The following SRGAP3 variants were observed in gnomAD, a reference collection of about 807,000 sequenced individuals.
SRGAP3 encodes SLIT-ROBO Rho GTPase activating protein 3, also known as SLIT-ROBO Rho GTPase-activating protein 3.
In SRGAP3, 39 loss-of-function variants were observed where a neutral mutation model predicts 121.1. That is an observed-to-expected ratio of 0.32 (90% confidence interval 0.25 to 0.42). The LOEUF (loss-of-function observed/expected upper bound fraction) is 0.42. Among genes scored for constraint, SRGAP3 ranks in the 10% least tolerant of loss-of-function variants. The pLI is 1.00. For missense variants in SRGAP3, 1,213 were observed against 1,470.6 expected (o/e 0.82, Z 2.86); for synonymous variants, 601 against 570.0 (o/e 1.05, Z -0.77).
intron 1 of SRGAP3, among the ~76,000 whole-genome samples, chr3:9,168,261 C>T (rs567981215): frequency 2.6e-5 from 4 of 152,234 alleles, no homozygotes; most frequent in African/African-American, 7.2e-5. Flanking sequence ...TGGATCTGGA[C>T]AAACTCAGAC....
At chr3:9,149,975 G>C (rs984322802) in intron 1 of SRGAP3, among the ~76,000 whole-genome samples, 1 of 152,128 alleles carries the variant, frequency 6.6e-6, no homozygotes, top group Non-Finnish European at 1.5e-5. Context: ...ATACCGTGCA[G>C]GTGCTGGGGA....
chr3:9,333,010 A>T (rs1955635826), intron 1 of SRGAP3, among the ~76,000 whole-genome samples: 1 of 152,214 alleles, frequency 6.6e-6, no homozygotes. Context: ...AACATTCGCA[A>T]CCACAATGGC....
chr3:9,073,317 G>C (rs1946807252), intron 4 of SRGAP3, among the ~76,000 whole-genome samples: 1 of 152,036 alleles, frequency 6.6e-6, no homozygotes, highest in Non-Finnish European at 1.5e-5. Context: ...CTAATTTTTT[G>C]TATTTTTTGT....
At chr3:9,027,105 T>C in intron 12 of SRGAP3, 110 bp from the exon 13 acceptor site, 1 of 1,006,744 alleles carries the variant, frequency 9.9e-7, no homozygotes. Context: ...ACCATCAGAT[T>C]AGTAGGAAAA....
upstream of SRGAP3, among the ~76,000 whole-genome samples, chr3:9,252,117 G>A (rs530520035): frequency 6.6e-6 from 1 of 152,208 alleles, no homozygotes; most frequent in African/African-American, 2.4e-5. Flanking sequence ...ACGGTAATGG[G>A]TTCACAAGAG....
At chr3:9,072,778 G>A (rs541807605) in intron 4 of SRGAP3, among the ~76,000 whole-genome samples, 217 of 152,380 alleles carry the variant, frequency 1.4e-3, no homozygotes, top group Non-Finnish European at 2.5e-3. Context: ...GGTGTCATGG[G>A]AAGGAAACAC....
intron 1 of SRGAP3, among the ~76,000 whole-genome samples, chr3:9,127,196 G>A (rs1278017258): frequency 6.6e-6 from 1 of 152,100 alleles, no homozygotes; most frequent in African/African-American, 2.4e-5. Flanking sequence ...AATTAGCCAG[G>A]TGTGGTGGCA....
chr3:9,116,215 CG>C (rs1351680874), intron 2 of SRGAP3, among the ~76,000 whole-genome samples: 1 of 152,170 alleles, frequency 6.6e-6, no homozygotes, highest in Non-Finnish European at 1.5e-5. Flanking sequence ...GCTACTGGAA[CG>C]TCCTTAAGGT....
chr3:9,204,250 C>T (rs1053005637), intron 1 of SRGAP3, among the ~76,000 whole-genome samples: 1 of 152,232 alleles, frequency 6.6e-6, no homozygotes, highest in Non-Finnish European at 1.5e-5. Context: ...AGGCAGAGGG[C>T]CTGCCAGAAA....
chr3:9,065,604 T>C (rs553393824), intron 4 of SRGAP3: 25 of 152,326 alleles, frequency 1.6e-4, no homozygotes, highest in African/African-American at 5.3e-4. Flanking sequence ...ATAAACTCCT[T>C]TGGATCAGCC....
chr3:9,079,691 T>C (rs973472655), intron 4 of SRGAP3, among the ~76,000 whole-genome samples: 1 of 152,124 alleles, frequency 6.6e-6, no homozygotes, highest in African/African-American at 2.4e-5. Flanking sequence ...AAAACTCACA[T>C]CCCTGCCTTC....
At chr3:9,279,901 G>A (rs1412664816) in intron 3 of SRGAP3, among the ~76,000 whole-genome samples, 2 of 152,168 alleles carry the variant, frequency 1.3e-5, no homozygotes, top group African/African-American at 4.8e-5. Context: ...CAGGGCAAAG[G>A]TCAAGGTCAG....
chr3:9,023,161 C>T (rs1944010758), intron 14 of SRGAP3, among the ~76,000 whole-genome samples: 1 of 152,078 alleles, frequency 6.6e-6, no homozygotes. Flanking sequence ...GTGAGTTTGC[C>T]CACGAGATTC....
intron 18 of SRGAP3, among the ~76,000 whole-genome samples, chr3:9,004,051 T>C (rs896028503): frequency 9.2e-5 from 14 of 152,324 alleles, no homozygotes; most frequent in African/African-American, 3.4e-4. Context: ...GGTTGCAGGA[T>C]ACAAGAGCAG....
At chr3:9,281,824 C>T (rs1048841222) in intron 3 of SRGAP3, among the ~76,000 whole-genome samples, 1 of 152,032 alleles carries the variant, frequency 6.6e-6, no homozygotes, top group Non-Finnish European at 1.5e-5. Flanking sequence ...AGGCATGCAC[C>T]ACCACGCCTG....
intron 1 of SRGAP3, among the ~76,000 whole-genome samples, chr3:9,198,969 T>A (rs1384885116): frequency 6.6e-6 from 1 of 152,098 alleles, no homozygotes; most frequent in African/African-American, 2.4e-5. Flanking sequence ...AATGGGACAT[T>A]TTCCAGCACT....
At chr3:9,331,891 T>C (rs531468918) in intron 1 of SRGAP3, among the ~76,000 whole-genome samples, 1 of 152,196 alleles carries the variant, frequency 6.6e-6, no homozygotes, top group East Asian at 1.9e-4. Flanking sequence ...CAGACAAAAT[T>C]AGCAGAAAAA....
Position 9,015,451 on chromosome 3 carries a change from T to C in SRGAP3, c.1813+146A>G, listed in dbSNP as rs1943590789. 5 of 1,067,546 alleles carry C rather than the reference T, an allele frequency of 4.7e-6. No homozygotes were observed. The African/African-American group carries it at 6.3e-5, about 13-fold the overall frequency. 66.1% of individuals were successfully genotyped at this position (1,067,546 alleles called of 1,614,324 possible). A position where few individuals can be genotyped will look rare whatever the true frequency, so the allele number is the denominator to read the frequency against. ...CCTTTCATTATAAACCATCTTGTTA[T>C]TTCCGCTTTCAGTTCTACGAGGATG... On this transcript the variant is annotated intron_variant, in intron 15 of 21. Transcript: ENST00000383836.
At chr3:9,290,640 C>G (rs969265504) in intron 3 of SRGAP3, among the ~76,000 whole-genome samples, 9 of 152,192 alleles carry the variant, frequency 5.9e-5, no homozygotes, top group Non-Finnish European at 1.3e-4. Context: ...CTCTAACTCA[C>G]TTATCAAAAC....
Sources: allele counts gnomAD v4.1 joint callset (sites outside exome capture counted in the v4.1 genomes callset), GRCh38; gene constraint gnomAD v4.1.1; transcripts MANE v1.5; gene names NCBI Gene and HGNC (gene_info 2026-07-23, HGNC 2026-07-21).